BMP2K: variants seen among roughly 807,000 people sequenced by gnomAD.
BMP2K encodes the protein BMP2 inducible kinase.
BMP2K carries 74 observed loss-of-function variants against 116.0 expected under a neutral mutation model. The ratio of observed to expected loss-of-function variants is 0.64; its 90% confidence interval spans 0.53 to 0.77. The LOEUF (loss-of-function observed/expected upper bound fraction) is 0.77. Among genes scored for constraint, BMP2K ranks in the 30% least tolerant of loss-of-function variants. BMP2K has a pLI of 0.00. For synonymous variants in BMP2K, 486 were observed against 502.5 expected, an observed-to-expected ratio of 0.97 and a Z score of 0.44; for missense variants, 1,365 against 1,403.6, an observed-to-expected ratio of 0.97 and a Z score of 0.44.
intron 2 of BMP2K, among the ~76,000 whole-genome samples, chr4:78,829,061 A>G (rs544146417): frequency 1.3e-5 from 2 of 152,344 alleles, no homozygotes; most frequent in East Asian, 1.9e-4. Context: ...CACTGGGTAT[A>G]AGTGGGTTTT....
chr4:78,821,701 A>T lies in BMP2K; in HGVS notation c.179-4336A>T, dbSNP rs115180638. On this transcript the variant is annotated intron_variant, in intron 1 of 15. Coordinates refer to ENST00000502613, the MANE Select transcript of BMP2K (RefSeq NM_198892.2). ...TTTCCTATTTGCCAGTGAACTACTT[A>T]GCTCTGTTTTAAGGATTATTTTGTT... Among the ~76,000 whole-genome samples, 679 of 152,264 alleles carry T rather than the reference A, an allele frequency of 4.5e-3. 2 individuals carry two copies. The highest frequency in any genetic ancestry group is 0.015 in the African/African-American group (642 of 41,552).
chr4:78,795,394 C>T (rs537229935), intron 1 of BMP2K, among the ~76,000 whole-genome samples: 12 of 152,132 alleles, frequency 7.9e-5, no homozygotes, highest in Admixed American at 6.5e-4. Flanking sequence ...ACATTGAAGG[C>T]GATCTGAGAA....
In BMP2K at chr4:78,776,522, C is replaced by T. The variant is rs890966712; in HGVS notation, c.-22C>T. The T allele has an allele frequency of 9.7e-6, 11 of 1,138,896 alleles. No homozygotes were observed. The African/African-American group carries it at 1.2e-4, about 12-fold the overall frequency. The allele number at this position is 1,138,896 out of a possible 1,614,324, so 70.5% of individuals were successfully genotyped here. On this transcript the variant is annotated 5_prime_UTR_variant, in exon 1 of 16. Coordinates refer to ENST00000502613, the MANE Select transcript of BMP2K (RefSeq NM_198892.2). ...ACTTGCCCTTGCACGCTCCCTGCGC[C>T]CTCCAGCTCGCCGGCGGGACCATGA...
chr4:78,787,981 A>C (rs1414904562), intron 1 of BMP2K, among the ~76,000 whole-genome samples: 1 of 152,102 alleles, frequency 6.6e-6, no homozygotes, highest in Non-Finnish European at 1.5e-5. Flanking sequence ...TCTCTTTTGA[A>C]TGAGATTGTC....
chr4:78,777,884 A>G lies in BMP2K; in HGVS notation c.178+1163A>G, dbSNP rs1727320950. 4.6e-5 allele frequency among the ~76,000 whole-genome samples: 7 copies of G among 152,260 alleles called. No homozygotes were observed. The South Asian group carries it at 1.2e-3, about 27-fold the overall frequency. On this transcript the variant is annotated intron_variant, in intron 1 of 15. Transcript: ENST00000502613. ...AATCGTGAATTATTCAAGTGTACAT[A>G]TCATTGTTTCGTGAACCATTGCTCA... is the stretch of plus-strand genomic sequence containing the variant.
chr4:78,874,867 G>T (rs969755047), intron 13 of BMP2K, among the ~76,000 whole-genome samples: 1 of 152,102 alleles, frequency 6.6e-6, no homozygotes, highest in Non-Finnish European at 1.5e-5. Flanking sequence ...CAAATCACAG[G>T]TTTGATACAT....
chr4:78,871,424 T>G (rs1392469925), intron 11 of BMP2K, among the ~76,000 whole-genome samples: 1 of 152,160 alleles, frequency 6.6e-6, no homozygotes, highest in Non-Finnish European at 1.5e-5. Context: ...TAACATTGTC[T>G]TAGATTTTTG....
intron 9 of BMP2K, among the ~76,000 whole-genome samples, chr4:78,862,536 G>T (rs995393164): frequency 6.6e-6 from 1 of 152,050 alleles, no homozygotes; most frequent in African/African-American, 2.4e-5. Context: ...ATATACAGGA[G>T]TAGTGGGAAA....
intron 10 of BMP2K, among the ~76,000 whole-genome samples, chr4:78,868,884 G>A (rs905732717): frequency 2.0e-5 from 3 of 152,084 alleles, no homozygotes; most frequent in Non-Finnish European, 2.9e-5. Context: ...TGTCTCTCCC[G>A]GCGGCTTTCA....
Position 78,859,624 on chromosome 4 carries a change from A to G in BMP2K, c.924A>G (p.Ile308Met), listed in dbSNP as rs747987403. 1.2e-6 allele frequency: 2 copies of G among 1,610,940 alleles called. No homozygotes were observed. Among genetic ancestry groups the G allele is most frequent in the Non-Finnish European group, 8.5e-7 (1 of 1,178,368 alleles). ...LEPDPEHRPD[I>M]FQVSYFAFKF... is the part of the protein sequence containing the mutation. Reference sequence around the variant, plus strand: ...CAGATCCGGAACATAGACCTGATATATTTCAAGTGTCATATTTTGCATTTA... The same window carrying G: ...CAGATCCGGAACATAGACCTGATATGTTTCAAGTGTCATATTTTGCATTTA... Residue 308 changes from isoleucine to methionine, a missense_variant, in exon 8 of 16, where the codon ATA (isoleucine) becomes ATG (methionine). Ile to Met is a conservative substitution (Grantham distance 10). This residue lies in a region of BMP2K where 762 missense variants were observed against 756.7 expected (regional missense o/e 1.01). Coordinates refer to ENST00000502613, the MANE Select transcript of BMP2K (RefSeq NM_198892.2).
chr4:78,861,332 C>T, intron 8 of BMP2K, 57 bp from the exon 9 acceptor site: 1 of 1,408,848 alleles, frequency 7.1e-7, no homozygotes, highest in Non-Finnish European at 9.7e-7. Context: ...CTTACAAAAA[C>T]TTTCTGCAAT....
intron 14 of BMP2K, among the ~76,000 whole-genome samples, chr4:78,882,912 C>CA (rs1732930266): frequency 6.6e-6 from 1 of 152,008 alleles, no homozygotes; most frequent in Admixed American, 6.6e-5. Context: ...AGAACTATTA[C>CA]TGTTCCTTCA....
intron 1 of BMP2K, among the ~76,000 whole-genome samples, chr4:78,799,171 A>T (rs1223246230): frequency 6.6e-6 from 1 of 152,306 alleles, no homozygotes; most frequent in South Asian, 2.1e-4. Context: ...AAAGAAGTGG[A>T]CATACAAACA....
chr4:78,910,074 G>A (rs1432986402), intron 15 of BMP2K, among the ~76,000 whole-genome samples: 1 of 152,130 alleles, frequency 6.6e-6, no homozygotes, highest in Non-Finnish European at 1.5e-5. Context: ...CTTAGCTTTG[G>A]TGAGGCCATT....
intron 1 of BMP2K, among the ~76,000 whole-genome samples, chr4:78,787,454 T>G (rs1374252542): frequency 6.6e-6 from 1 of 152,222 alleles, no homozygotes; most frequent in African/African-American, 2.4e-5. Flanking sequence ...TGTTCTAGCC[T>G]GAATTCCCTT....
chr4:78,841,336 C>T (rs1730750016), intron 3 of BMP2K, among the ~76,000 whole-genome samples: 1 of 152,084 alleles, frequency 6.6e-6, no homozygotes, highest in African/African-American at 2.4e-5. Flanking sequence ...AGACTGATTT[C>T]TGTGCGAATC....
In BMP2K at chr4:78,915,995, C is replaced by G. The variant is rs559658221; in HGVS notation, c.*3962C>G. 2.0e-5 allele frequency: 3 copies of G among 151,886 alleles called. No homozygotes were observed. The highest frequency in any genetic ancestry group is 7.2e-5 in the African/African-American group (3 of 41,504). The allele number at this position is 151,886 out of a possible 1,614,324, so 9.4% of individuals were successfully genotyped here. ...TTTGTTAAACTTGAATTTTCTGAAG[C>G]CTTTTATGTACCACTAAGCAAATAA... On this transcript the variant is annotated 3_prime_UTR_variant, in exon 16 of 16. Coordinates refer to ENST00000502613, the MANE Select transcript of BMP2K (RefSeq NM_198892.2).
At chr4:78,882,199 T>G (rs1732905558) in intron 14 of BMP2K, among the ~76,000 whole-genome samples, 1 of 151,928 alleles carries the variant, frequency 6.6e-6, no homozygotes, top group African/African-American at 2.4e-5. Flanking sequence ...ATCATAATAG[T>G]ATTTTGAGAT....
chr4:78,837,258 T>G (rs1335803960), intron 3 of BMP2K, among the ~76,000 whole-genome samples: 1 of 152,158 alleles, frequency 6.6e-6, no homozygotes, highest in African/African-American at 2.4e-5. Flanking sequence ...TAGTGCCATC[T>G]CAGCTTACTG....
Sources: gnomAD v4.1 joint callset for allele counts (sites outside exome capture counted in the v4.1 genomes callset) on GRCh38, gnomAD v4.1.1 for gene constraint, gnomAD v4.1.1 regional missense constraint, MANE v1.5 for transcripts, NCBI Gene and HGNC (gene_info 2026-07-23, HGNC 2026-07-21) for gene names.